The following COX16 variants were observed in gnomAD, a reference collection of about 807,000 sequenced individuals.
The protein encoded by COX16 is cytochrome c oxidase assembly protein COX16 homolog, mitochondrial.
A neutral mutation model predicts 15.4 loss-of-function variants in COX16; 12 were observed. That is an observed-to-expected ratio of 0.78 (90% CI 0.50 to 1.26). COX16 has a LOEUF of 1.26. Ranked by LOEUF, COX16 falls within the 50% of genes most tolerant of loss-of-function variation. The pLI, the probability that COX16 is intolerant of heterozygous loss-of-function variation, is 0.00. For missense variants in COX16, 124 were observed against 127.6 expected, an observed-to-expected ratio of 0.97 and a Z score of 0.14; for synonymous variants, 46 against 41.1, an observed-to-expected ratio of 1.12 and a Z score of -0.46.
At chr14:70,344,882 T>C (rs1566602727) in intron 1 of COX16, among the ~76,000 whole-genome samples, 1 of 152,172 alleles carries the variant, frequency 6.6e-6, no homozygotes, top group Non-Finnish European at 1.5e-5. Flanking sequence ...TACAGGAGAC[T>C]ATAAAACCTT....
intron 2 of COX16, among the ~76,000 whole-genome samples, chr14:70,340,683 TCCC>T (rs1197473077): frequency 6.6e-6 from 1 of 152,166 alleles, no homozygotes; most frequent in Admixed American, 6.5e-5. Context: ...TCTCTCTTGC[TCCC>T]CCAATACCCA....
At chr14:70,342,769 C>T (rs965815253) in intron 1 of COX16, 40 bp from the exon 2 acceptor site, 8 of 1,598,648 alleles carry the variant, frequency 5.0e-6, no homozygotes, top group Middle Eastern at 3.3e-4. Flanking sequence ...AAACAGAAGA[C>T]CAGAATTCAA....
intron 1 of COX16, among the ~76,000 whole-genome samples, chr14:70,350,205 G>A (rs1886907490): frequency 1.3e-5 from 2 of 152,166 alleles, no homozygotes. Context: ...GGTGCGCCAG[G>A]AAGATAGCAG....
intron 1 of COX16, among the ~76,000 whole-genome samples, chr14:70,350,969 T>C (rs1223328424): frequency 6.6e-6 from 1 of 152,222 alleles, no homozygotes; most frequent in African/African-American, 2.4e-5. Context: ...AACTGTGGAA[T>C]TTACACAACT....
At chr14:70,335,005 A>G (rs1323436938) in intron 2 of COX16, among the ~76,000 whole-genome samples, 5 of 152,218 alleles carry the variant, frequency 3.3e-5, no homozygotes, top group Non-Finnish European at 5.9e-5. Flanking sequence ...GAAGGAATAG[A>G]AAAAGATATT....
intron 1 of COX16, among the ~76,000 whole-genome samples, chr14:70,357,564 T>A (rs921525400): frequency 2.6e-5 from 4 of 152,104 alleles, no homozygotes; most frequent in African/African-American, 9.7e-5. Context: ...GGAAACATAG[T>A]CCAATTAAAA....
chr14:70,350,323 G>C (rs997303424), intron 1 of COX16, among the ~76,000 whole-genome samples: 1 of 152,122 alleles, frequency 6.6e-6, no homozygotes, highest in Non-Finnish European at 1.5e-5. Context: ...CTGTTTACAG[G>C]AGACTGTAAA....
At chr14:70,338,336 C>T (rs186224179) in intron 2 of COX16, among the ~76,000 whole-genome samples, 1 of 152,296 alleles carries the variant, frequency 6.6e-6, no homozygotes, top group East Asian at 1.9e-4. Flanking sequence ...TGGTCCTGAA[C>T]TCCTGATTCA....
At chr14:70,345,198 GTTTCCT>G (rs1321595550) in intron 1 of COX16, among the ~76,000 whole-genome samples, 3 of 152,204 alleles carry the variant, frequency 2.0e-5, no homozygotes, top group African/African-American at 7.2e-5. Flanking sequence ...TTACTGGTAA[GTTTCCT>G]CAGGGGCCCA....
chr14:70,346,734 A>G (rs1352855435), intron 1 of COX16, among the ~76,000 whole-genome samples: 1 of 151,962 alleles, frequency 6.6e-6, no homozygotes, highest in Admixed American at 6.6e-5. Flanking sequence ...TTTTCAGGAC[A>G]CACCCAGTCC....
At chr14:70,329,286 CTCAATTT>C in intron 2 of COX16, 50 bp from the exon 3 acceptor site, 1 of 1,490,736 alleles carries the variant, frequency 6.7e-7, no homozygotes, top group Non-Finnish European at 9.1e-7. Context: ...GTTTGTTAGA[CTCAATTT>C]TCAATTTTAA....
chr14:70,354,632 G>A lies in COX16; in HGVS notation c.69+4887C>T, dbSNP rs557467420. Among the ~76,000 whole-genome samples the A allele has an allele frequency of 2.6e-4, 40 of 152,260 alleles. No individual in the cohort carries two copies. The South Asian group carries it at 5.6e-3, about 21-fold the overall frequency. ...GAAGCTCTGCATGCAGGACCCTCCT[G>A]GACCTCGACATATGAGTCTCTTTTT... On this transcript the variant is annotated intron_variant, in intron 1 of 3. Coordinates refer to ENST00000389912, the MANE Select transcript of COX16 (RefSeq NM_016468.7).
At chr14:70,351,695 C>T (rs1886961417) in intron 1 of COX16, among the ~76,000 whole-genome samples, 1 of 152,026 alleles carries the variant, frequency 6.6e-6, no homozygotes, top group South Asian at 2.1e-4. Context: ...ATTTTCTTTG[C>T]TATATGGTAT....
chr14:70,326,298 TAAAAA>T lies in COX16; in HGVS notation c.*30_*34del. The T allele has an allele frequency of 9.0e-7, 1 of 1,106,748 alleles. No homozygotes were observed. The highest frequency in any genetic ancestry group is 1.2e-6 in the Non-Finnish European group (1 of 829,042). The allele number at this position is 1,106,748 out of a possible 1,614,324, so 68.6% of individuals were successfully genotyped here. A position where few individuals can be genotyped will look rare whatever the true frequency, so the allele number is the denominator to read the frequency against. On this transcript the variant is annotated 3_prime_UTR_variant, in exon 4 of 4. Transcript: ENST00000389912. ...AAGTCCAGTTAATAATATTTTTATT[TAAAAA>T]AAAAAAAAAGGAAAAAAGAATCAGC...
intron 1 of COX16, among the ~76,000 whole-genome samples, chr14:70,344,250 C>T (rs1886708924): frequency 6.6e-6 from 1 of 152,242 alleles, no homozygotes; most frequent in Non-Finnish European, 1.5e-5. Flanking sequence ...ACTGTAATTT[C>T]TAATCTTGTA....
At chr14:70,355,759 C>A (rs1461907810) in intron 1 of COX16, among the ~76,000 whole-genome samples, 1 of 152,158 alleles carries the variant, frequency 6.6e-6, no homozygotes, top group Admixed American at 6.5e-5. Context: ...GGATATTTGA[C>A]CCTCCAAACC....
chr14:70,331,758 ATCTAGC>A (rs1886299062), intron 2 of COX16, among the ~76,000 whole-genome samples: 1 of 12,130 alleles, frequency 8.2e-5, no homozygotes, highest in Non-Finnish European at 2.0e-4. Flanking sequence ...ACACCCTATA[ATCTAGC>A]AATTCCTTTT....
At chr14:70,328,165 C>T (rs1444423640) in intron 3 of COX16, 6 of 134,378 alleles carry the variant, frequency 4.5e-5, no homozygotes, top group African/African-American at 1.7e-4. Context: ...TTTAGACTCA[C>T]CCCAACAAAG....
At chr14:70,327,597 T>C (rs1391365801) in intron 3 of COX16, among the ~76,000 whole-genome samples, 2 of 152,234 alleles carry the variant, frequency 1.3e-5, no homozygotes, top group Non-Finnish European at 2.9e-5. Flanking sequence ...TAATTTAGCA[T>C]ACAAGAAGAA....
Sources: gnomAD v4.1 joint callset for allele counts (sites outside exome capture counted in the v4.1 genomes callset) on GRCh38, gnomAD v4.1.1 for gene constraint, MANE v1.5 for transcripts, NCBI Gene and HGNC (gene_info 2026-07-23, HGNC 2026-07-21) for gene names.